Variants in NBEA observed in about 807,000 individuals in gnomAD.
NBEA encodes neurobeachin.
In NBEA, 44 loss-of-function variants were observed where a neutral mutation model predicts 343.4. The observed-to-expected ratio is 0.13, with a 90% confidence interval of 0.10 to 0.16. The LOEUF (loss-of-function observed/expected upper bound fraction) is 0.16. Ranked by LOEUF, NBEA falls within the 10% of genes least tolerant of loss-of-function variation. The pLI is 1.00. For missense variants in NBEA, 2,555 were observed against 3,631.3 expected, an observed-to-expected ratio of 0.70 and a Z score of 7.62; for synonymous variants, 1,175 against 1,238.7, an observed-to-expected ratio of 0.95 and a Z score of 1.08.
In NBEA at chr13:35,211,073, T is replaced by C; in HGVS notation, c.5542T>C (p.Ser1848Pro). ...AACAGGTGCCGTGGATTCAGGGTCC[T>C]CCTCCTCTTCCTCCTCTTCTAGTTT... ...NTTGAVDSGS[S>P]SSSSSSSFVN... The change falls in exon 33 of 59, where the codon TCC (serine) becomes CCC (proline). Residue 1848 changes from serine to proline, a missense_variant. Around this residue, in one of 21 missense-constraint regions of NBEA, gnomAD observed 84 missense variants for 196.4 expected, o/e 0.43. Transcript: ENST00000379939. The C allele has an allele frequency of 6.4e-7, 1 of 1,550,840 alleles. No homozygotes were observed. Among genetic ancestry groups the C allele is most frequent in the Non-Finnish European group, 8.7e-7 (1 of 1,146,482 alleles).
intron 29 of NBEA, 114 bp from the exon 30 acceptor site, chr13:35,183,862 T>C (rs2071489923): frequency 3.2e-6 from 2 of 619,528 alleles, no homozygotes; most frequent in South Asian, 2.3e-5. Context: ...GCATTCGTTA[T>C]TGCTAGTATT....
intron 41 of NBEA, among the ~76,000 whole-genome samples, chr13:35,523,406 A>C (rs945604517): frequency 5.3e-5 from 8 of 152,188 alleles, no homozygotes; most frequent in African/African-American, 1.9e-4. Flanking sequence ...GGAAAATAGA[A>C]GTTCAGTTTG....
At chr13:35,033,432 G>A (rs1234774197) in intron 1 of NBEA, among the ~76,000 whole-genome samples, 1 of 151,936 alleles carries the variant, frequency 6.6e-6, no homozygotes, top group Non-Finnish European at 1.5e-5. Context: ...TTGAAGTCAG[G>A]TAATGTGATT....
chr13:35,423,128 G>A (rs972135076), intron 38 of NBEA, among the ~76,000 whole-genome samples: 2 of 152,240 alleles, frequency 1.3e-5, no homozygotes, highest in East Asian at 1.9e-4. Context: ...AGTTTCTTGT[G>A]CTGTGCAGAA....
At chr13:35,387,991 T>C (rs1362077139) in intron 38 of NBEA, among the ~76,000 whole-genome samples, 1 of 152,104 alleles carries the variant, frequency 6.6e-6, no homozygotes, top group Non-Finnish European at 1.5e-5. Flanking sequence ...CCCCCCAGAG[T>C]GTGTCCAGTT....
chr13:35,605,920 TA>T (rs149137917), intron 47 of NBEA, among the ~76,000 whole-genome samples: 8,143 of 152,084 alleles, frequency 0.054, 383 homozygotes, highest in East Asian at 0.24. Flanking sequence ...CTTTATCAAG[TA>T]AAAAAAACTA....
chr13:35,476,017 A>G, intron 41 of NBEA: 1 of 1,614,186 alleles, frequency 6.2e-7, no homozygotes, highest in Non-Finnish European at 8.5e-7. Context: ...TTCCTTCAGT[A>G]CGTCGGAAAC....
chr13:35,555,860 A>G (rs775382420), intron 44 of NBEA, among the ~76,000 whole-genome samples: 1 of 152,104 alleles, frequency 6.6e-6, no homozygotes, highest in South Asian at 2.1e-4. Context: ...TTATGAATGA[A>G]TGCTCACAAC....
intron 1 of NBEA, among the ~76,000 whole-genome samples, chr13:34,945,072 T>C (rs948444873): frequency 6.6e-6 from 1 of 152,152 alleles, no homozygotes; most frequent in African/African-American, 2.4e-5. Flanking sequence ...GCAGACGTTA[T>C]TTTAGAGAAC....
At chr13:35,366,162 A>G (rs1230149504) in intron 38 of NBEA, among the ~76,000 whole-genome samples, 2 of 151,600 alleles carry the variant, frequency 1.3e-5, no homozygotes, top group African/African-American at 2.4e-5. Context: ...TACGACCTTG[A>G]CATGATAGCA....
chr13:35,098,710 A>G (rs1419183687), intron 11 of NBEA, among the ~76,000 whole-genome samples: 1 of 152,050 alleles, frequency 6.6e-6, no homozygotes, highest in Non-Finnish European at 1.5e-5. Context: ...TCACTTTCTA[A>G]GGTGTCACTT....
chr13:35,322,997 G>A (rs1022337108), intron 36 of NBEA, among the ~76,000 whole-genome samples: 3 of 151,862 alleles, frequency 2.0e-5, no homozygotes, highest in Non-Finnish European at 2.9e-5. Flanking sequence ...CTATAGGCAC[G>A]AGCCACCATG....
intron 1 of NBEA, among the ~76,000 whole-genome samples, chr13:34,990,940 A>G (rs2060729471): frequency 6.6e-6 from 1 of 152,204 alleles, no homozygotes; most frequent in Non-Finnish European, 1.5e-5. Flanking sequence ...TCAAGTTCAA[A>G]GTTCCACAGA....
intron 33 of NBEA, among the ~76,000 whole-genome samples, chr13:35,230,214 A>G (rs2152768778): frequency 6.6e-6 from 1 of 152,220 alleles, no homozygotes; most frequent in Admixed American, 6.6e-5. Flanking sequence ...GTATATTTAT[A>G]CATACTTACA....
intron 10 of NBEA, among the ~76,000 whole-genome samples, chr13:35,092,845 A>T: frequency 6.6e-6 from 1 of 152,052 alleles, no homozygotes; most frequent in Non-Finnish European, 1.5e-5. Flanking sequence ...ACTCCTCGGC[A>T]TTTATTTATG....
At chr13:35,596,925 T>C (rs1487362602) in intron 47 of NBEA, among the ~76,000 whole-genome samples, 2 of 150,088 alleles carry the variant, frequency 1.3e-5, no homozygotes, top group Non-Finnish European at 3.0e-5. Flanking sequence ...AGAAAAGAGA[T>C]GGCAGCTTTA....
chr13:35,311,172 A>G (rs1163596612), intron 36 of NBEA, among the ~76,000 whole-genome samples: 1 of 152,118 alleles, frequency 6.6e-6, no homozygotes. Flanking sequence ...TTTCACTGTG[A>G]TAAGAGTTAC....
At chr13:34,952,832 A>G (rs1382618481) in intron 1 of NBEA, among the ~76,000 whole-genome samples, 2 of 152,048 alleles carry the variant, frequency 1.3e-5, no homozygotes, top group African/African-American at 4.8e-5. Context: ...ATGTTATTTA[A>G]TTTTTTTACA....
At chr13:35,391,542 T>C (rs191318996) in intron 38 of NBEA, among the ~76,000 whole-genome samples, 1 of 152,208 alleles carries the variant, frequency 6.6e-6, no homozygotes, top group African/African-American at 2.4e-5. Context: ...CAAGTTTACC[T>C]TGCTTTGCTA....
Sources: allele counts gnomAD v4.1 joint callset (sites outside exome capture counted in the v4.1 genomes callset), GRCh38; gene constraint gnomAD v4.1.1; regional missense constraint gnomAD v4.1.1; transcripts MANE v1.5; gene names NCBI Gene and HGNC (gene_info 2026-07-23, HGNC 2026-07-21).